The following OR2L13 variants were observed in gnomAD, a reference collection of about 807,000 sequenced individuals.
OR2L13 encodes the protein olfactory receptor 2L13.
OR2L13 carries 14 observed loss-of-function variants against 15.3 expected under a neutral mutation model. That is an observed-to-expected ratio of 0.91 (90% CI 0.60 to 1.43). The LOEUF (loss-of-function observed/expected upper bound fraction) is 1.43. OR2L13 is among the 40% of genes most tolerant of loss of function. OR2L13 has a pLI of 0.00. For synonymous variants in OR2L13, 152 were observed against 142.9 expected (o/e 1.06, Z -0.45); for missense variants, 367 against 387.9 (o/e 0.95, Z 0.45).
At chr1:247,975,363 A>G in the OR2L13 span, 3 of 593,398 alleles carry the variant, frequency 5.1e-6, no homozygotes, top group African/African-American at 1.9e-5. Context: ...TTGGTATTGC[A>G]TGTTCCTATG....
chr1:247,975,769 C>G, the OR2L13 span: 1 of 392,710 alleles, frequency 2.5e-6, no homozygotes, highest in East Asian at 4.0e-5. Flanking sequence ...AAAAATTACT[C>G]TAGAAAATTT....
At chr1:248,082,858 C>T in the OR2L13 span, among the ~76,000 whole-genome samples, 1 of 152,076 alleles carries the variant, frequency 6.6e-6, no homozygotes, top group Non-Finnish European at 1.5e-5. Flanking sequence ...CATGATTATG[C>T]AATTCAGAGT....
At chr1:248,054,821 T>C in the OR2L13 span, among the ~76,000 whole-genome samples, 3 of 152,222 alleles carry the variant, frequency 2.0e-5, no homozygotes, top group Non-Finnish European at 4.4e-5. Flanking sequence ...AATTTGCTTA[T>C]CAGCTTAAGA....
At chr1:247,957,038 T>G in the OR2L13 span, among the ~76,000 whole-genome samples, 30 of 152,216 alleles carry the variant, frequency 2.0e-4, no homozygotes, top group Non-Finnish European at 4.1e-4. Context: ...TCAAAGAGAA[T>G]GCTTCCAGTT....
At chr1:248,084,950 T>C in the OR2L13 span, among the ~76,000 whole-genome samples, 6 of 152,312 alleles carry the variant, frequency 3.9e-5, no homozygotes, top group African/African-American at 1.4e-4. Flanking sequence ...TTACTCATTA[T>C]AGTTACTGCT....
chr1:247,951,041 T>A, the OR2L13 span, among the ~76,000 whole-genome samples: 1 of 149,134 alleles, frequency 6.7e-6, no homozygotes, highest in African/African-American at 2.4e-5. Context: ...TATAATTACA[T>A]ATTACTATTA....
the OR2L13 span, chr1:248,004,172 A>G: frequency 1.1e-6 from 1 of 934,306 alleles, no homozygotes; most frequent in Admixed American, 3.1e-5. Flanking sequence ...AGCAAAAAGT[A>G]ATCAACAGAA....
the OR2L13 span, among the ~76,000 whole-genome samples, chr1:247,947,294 A>G: frequency 6.6e-6 from 1 of 152,214 alleles, no homozygotes; most frequent in Non-Finnish European, 1.5e-5. Flanking sequence ...AAGTCAGTGT[A>G]TTTATGCATA....
chr1:247,954,150 G>A, the OR2L13 span, among the ~76,000 whole-genome samples: 1 of 152,168 alleles, frequency 6.6e-6, no homozygotes, highest in South Asian at 2.1e-4. Flanking sequence ...GATAAAGCGG[G>A]TGAGGTGGAG....
the OR2L13 span, among the ~76,000 whole-genome samples, chr1:248,058,307 G>A: frequency 6.6e-6 from 1 of 152,052 alleles, no homozygotes; most frequent in Non-Finnish European, 1.5e-5. Flanking sequence ...GATAATGCTT[G>A]ATTTTCTATA....
chr1:248,046,898 A>G, the OR2L13 span: 1 of 152,178 alleles, frequency 6.6e-6, no homozygotes, highest in Non-Finnish European at 1.5e-5. Context: ...TTATAATTGT[A>G]TTTTTAAATT....
chr1:247,945,464 GA>G, the OR2L13 span, among the ~76,000 whole-genome samples: 2 of 152,094 alleles, frequency 1.3e-5, no homozygotes, highest in Non-Finnish European at 2.9e-5. Flanking sequence ...ATATGGTGGT[GA>G]AAAAATGTAT....
chr1:248,097,240 T>A (rs574223834), upstream of OR2L13: 1 of 152,308 alleles, frequency 6.6e-6, no homozygotes, highest in African/African-American at 2.4e-5. Context: ...AAATAAACTT[T>A]CTGTATTAAT....
At chr1:248,075,633 T>C in the OR2L13 span, among the ~76,000 whole-genome samples, 1 of 152,238 alleles carries the variant, frequency 6.6e-6, no homozygotes, top group South Asian at 2.1e-4. Flanking sequence ...ATTTGTCTTT[T>C]GGCTGCATAG....
the OR2L13 span, among the ~76,000 whole-genome samples, chr1:248,079,714 C>G: frequency 2.0e-5 from 3 of 152,052 alleles, no homozygotes; most frequent in African/African-American, 7.2e-5. Context: ...ATAAATGATG[C>G]TGGGTCAGTT....
At chr1:248,025,585 C>T in the OR2L13 span, among the ~76,000 whole-genome samples, 2 of 147,780 alleles carry the variant, frequency 1.4e-5, no homozygotes, top group East Asian at 3.9e-4. Context: ...TTGACCCAGC[C>T]ATCCCATTAC....
the OR2L13 span, among the ~76,000 whole-genome samples, chr1:247,954,813 T>G: frequency 6.6e-6 from 1 of 152,070 alleles, no homozygotes; most frequent in Non-Finnish European, 1.5e-5. Context: ...ACTTGAAAAT[T>G]GCTAGAAAAA....
upstream of OR2L13, among the ~76,000 whole-genome samples, chr1:248,096,251 T>C (rs188555480): frequency 4.1e-3 from 620 of 151,588 alleles, 5 homozygotes; most frequent in Non-Finnish European, 5.2e-3. Context: ...GGCGTGGTGG[T>C]GGGCGCCTGT....
chr1:248,042,669 C>G, the OR2L13 span, among the ~76,000 whole-genome samples: 1 of 152,140 alleles, frequency 6.6e-6, no homozygotes, highest in African/African-American at 2.4e-5. Context: ...GACAATCTAG[C>G]AACTGCAAGT....
Sources: gnomAD v4.1 joint callset for allele counts (sites outside exome capture counted in the v4.1 genomes callset) on GRCh38, gnomAD v4.1.1 for gene constraint, MANE v1.5 for transcripts, NCBI Gene and HGNC (gene_info 2026-07-23, HGNC 2026-07-21) for gene names.